UNC13C: variants seen among roughly 807,000 people sequenced by gnomAD.
UNC13C encodes the protein protein unc-13 homolog C.
UNC13C carries 174 observed loss-of-function variants against 245.4 expected under a neutral mutation model. That is an observed-to-expected ratio of 0.71 (90% CI 0.63 to 0.80). UNC13C has a LOEUF of 0.80. Among genes scored for constraint, UNC13C ranks in the 30% least tolerant of loss-of-function variants. The pLI is 0.00. For synonymous variants in UNC13C, 992 were observed against 895.1 expected, an observed-to-expected ratio of 1.11 and a Z score of -1.93; for missense variants, 2,829 against 2,602.9, an observed-to-expected ratio of 1.09 and a Z score of -1.89.
At chr15:54,568,049 G>T in intron 30 of UNC13C, 102 bp downstream of exon 30, 1 of 877,212 alleles carries the variant, frequency 1.1e-6, no homozygotes, top group East Asian at 3.0e-5. Flanking sequence ...TTGCTGTTGT[G>T]AATTGAAGTA....
intron 18 of UNC13C, among the ~76,000 whole-genome samples, chr15:54,394,397 A>G (rs1278663661): frequency 1.3e-5 from 2 of 151,688 alleles, no homozygotes; most frequent in Non-Finnish European, 3.0e-5. Flanking sequence ...TAATCTCTGT[A>G]CAGACTTTGC....
intron 14 of UNC13C, among the ~76,000 whole-genome samples, chr15:54,329,422 AT>A (rs1354096234): frequency 6.6e-6 from 1 of 151,836 alleles, no homozygotes; most frequent in Non-Finnish European, 1.5e-5. Context: ...ATTTATTATT[AT>A]TTTTATTATT....
the UNC13C span, among the ~76,000 whole-genome samples, chr15:53,928,301 T>C: frequency 6.6e-6 from 1 of 152,172 alleles, no homozygotes; most frequent in Non-Finnish European, 1.5e-5. Context: ...ATGGGCCAAA[T>C]TAAAGGAATA....
intron 4 of UNC13C, among the ~76,000 whole-genome samples, chr15:54,233,930 G>C (rs926041158): frequency 6.6e-6 from 1 of 152,058 alleles, no homozygotes; most frequent in African/African-American, 2.4e-5. Context: ...GCTATCATCA[G>C]TAATATTAGC....
At chr15:54,536,218 C>T (rs892935612) in intron 26 of UNC13C, among the ~76,000 whole-genome samples, 4 of 151,988 alleles carry the variant, frequency 2.6e-5, no homozygotes, top group Admixed American at 2.6e-4. Flanking sequence ...TGCACACAAA[C>T]TGGAAAACCT....
At chr15:54,019,029 A>G (rs146056946) in intron 2 of UNC13C, among the ~76,000 whole-genome samples, 1 of 152,196 alleles carries the variant, frequency 6.6e-6, no homozygotes, top group African/African-American at 2.4e-5. Flanking sequence ...TAGACATAAA[A>G]GCTTATTACT....
At chr15:53,931,631 C>T in the UNC13C span, among the ~76,000 whole-genome samples, 5 of 151,960 alleles carry the variant, frequency 3.3e-5, no homozygotes, top group Non-Finnish European at 7.4e-5. Context: ...TGCGTTCTGG[C>T]TTATATGCCT....
chr15:53,845,642 T>C, the UNC13C span, among the ~76,000 whole-genome samples: 1 of 152,180 alleles, frequency 6.6e-6, no homozygotes, highest in South Asian at 2.1e-4. Flanking sequence ...TTATAACTAC[T>C]TATTAATTAT....
chr15:54,230,822 G>T (rs954457370), intron 4 of UNC13C, among the ~76,000 whole-genome samples: 4 of 151,956 alleles, frequency 2.6e-5, no homozygotes, highest in South Asian at 4.2e-4. Flanking sequence ...AGCCCACATT[G>T]CCTACCTATA....
chr15:53,954,772 C>A, the UNC13C span, among the ~76,000 whole-genome samples: 1 of 152,142 alleles, frequency 6.6e-6, no homozygotes, highest in Non-Finnish European at 1.5e-5. Flanking sequence ...AGGGCATTCT[C>A]ATTCTCTCAA....
At chr15:54,024,880 A>C (rs1896043998) in intron 2 of UNC13C, among the ~76,000 whole-genome samples, 1 of 152,148 alleles carries the variant, frequency 6.6e-6, no homozygotes, top group South Asian at 2.1e-4. Flanking sequence ...GCACCACTGC[A>C]CTTCAGCCTG....
At chr15:54,524,576 C>T (rs2141136918) in intron 24 of UNC13C, among the ~76,000 whole-genome samples, 1 of 152,268 alleles carries the variant, frequency 6.6e-6, no homozygotes, top group Admixed American at 6.5e-5. Flanking sequence ...CCTAACAGTT[C>T]CTTAGTATCA....
intron 4 of UNC13C, among the ~76,000 whole-genome samples, chr15:54,172,950 A>T (rs557399561): frequency 2.0e-5 from 3 of 151,288 alleles, no homozygotes; most frequent in African/African-American, 7.3e-5. Flanking sequence ...TTTTGCTTAT[A>T]TGAACATACA....
intron 19 of UNC13C, among the ~76,000 whole-genome samples, chr15:54,428,406 C>A (rs917660088): frequency 1.4e-4 from 21 of 151,498 alleles, no homozygotes; most frequent in Non-Finnish European, 2.8e-4. Flanking sequence ...ATCATACAAA[C>A]CTGTCCCTCA....
At position 54,349,419 on chromosome 15, in the gene UNC13C, T is replaced by TAAATTCTGAAAATATC. The variant is rs767882900; in HGVS notation, c.4713+10932_4713+10933insATTCTGAAAATATCAA. Among the ~76,000 whole-genome samples the TAAATTCTGAAAATATC allele has an allele frequency of 1.3e-3, 195 of 152,112 alleles. 1 individual carries two copies. Among genetic ancestry groups the TAAATTCTGAAAATATC allele is most frequent in the Non-Finnish European group, 2.4e-3 (163 of 67,950 alleles). On this transcript the variant is annotated intron_variant, in intron 17 of 32. Coordinates refer to ENST00000260323, the MANE Select transcript of UNC13C (RefSeq NM_001080534.3). ...CCATAATAAATTCTGAAAATATCAATAACATACATAGTATGTTGTATTAGT... is the reference window on the plus strand; with the variant it reads ...CCATAATAAATTCTGAAAATATCAATAAATTCTGAAAATATCAACATACATAGTATGTTGTATTAGT...
At chr15:54,626,643 G>C (rs1901178378) in intron 32 of UNC13C, among the ~76,000 whole-genome samples, 185 bp from the exon 33 acceptor site, 1 of 151,748 alleles carries the variant, frequency 6.6e-6, no homozygotes, top group South Asian at 2.2e-4. Context: ...TTTCTATCTA[G>C]GGAAAAAGTC....
the UNC13C span, among the ~76,000 whole-genome samples, chr15:53,933,619 G>T: frequency 2.6e-4 from 40 of 152,196 alleles, no homozygotes; most frequent in African/African-American, 9.4e-4. Context: ...ACCTTAACAC[G>T]CACAGTTAGC....
chr15:54,432,697 G>A lies in UNC13C; in HGVS notation c.4933+17630G>A, dbSNP rs900714120. ...CATCACAATTAAAAGAACTAGACAA[G>A]CAAGAGCAAACAAATTCAAAAGCTA... On this transcript the variant is annotated intron_variant, in intron 19 of 32. Coordinates refer to ENST00000260323, the MANE Select transcript of UNC13C (RefSeq NM_001080534.3). Among the ~76,000 whole-genome samples the A allele has an allele frequency of 4.6e-5, 7 of 151,918 alleles. 1 individual carries two copies. Among genetic ancestry groups the A allele is most frequent in the East Asian group, 1.9e-4 (1 of 5,142 alleles).
intron 19 of UNC13C, among the ~76,000 whole-genome samples, chr15:54,460,196 T>C (rs925152586): frequency 2.0e-5 from 3 of 152,216 alleles, no homozygotes; most frequent in African/African-American, 7.2e-5. Context: ...GCTACTGAGC[T>C]CTGGGCTTGT....
Sources: gnomAD v4.1 joint callset for allele counts (sites outside exome capture counted in the v4.1 genomes callset) on GRCh38, gnomAD v4.1.1 for gene constraint, MANE v1.5 for transcripts, NCBI Gene and HGNC (gene_info 2026-07-23, HGNC 2026-07-21) for gene names.